LIPK: variants seen among roughly 807,000 people sequenced by gnomAD.
The protein encoded by LIPK is lipase member K.
LIPK carries 32 observed loss-of-function variants against 48.6 expected under a neutral mutation model. The ratio of observed to expected loss-of-function variants is 0.66; its 90% CI spans 0.50 to 0.88. LIPK has a LOEUF of 0.88. Ranked by LOEUF, LIPK falls within the 40% of genes least tolerant of loss-of-function variation. The pLI, the probability that LIPK is intolerant of heterozygous loss-of-function variation, is 0.00. For missense variants in LIPK, 507 were observed against 478.5 expected (o/e 1.06, Z -0.56); for synonymous variants, 164 against 157.4 (o/e 1.04, Z -0.32).
chr10:88,725,166 A>G (rs1842310949), intron 2 of LIPK, among the ~76,000 whole-genome samples: 1 of 152,230 alleles, frequency 6.6e-6, no homozygotes, highest in African/African-American at 2.4e-5. Context: ...CCATTCTCCT[A>G]TATAAACGGC....
intron 7 of LIPK, 49 bp from the exon 8 acceptor site, chr10:88,739,947 T>C (rs1367680727): frequency 9.1e-6 from 10 of 1,102,870 alleles, no homozygotes; most frequent in African/African-American, 1.6e-5. Context: ...TGTTTACTTG[T>C]GGTATGATGA....
chr10:88,726,907 G>C lies in LIPK; in HGVS notation c.218G>C (p.Arg73Thr). The C allele has an allele frequency of 6.5e-7, 1 of 1,538,394 alleles. No individual in the cohort carries two copies. ...CCACATGGAAGAGGATGCCCAGGGAGGACAGGTATTATTTATTTTGTTATG... is the reference window on the plus strand; with the variant it reads ...CCACATGGAAGAGGATGCCCAGGGACGACAGGTATTATTTATTTTGTTATG... ...RIPHGRGCPG[R>T]TAPKPAVYLQ... The change falls in exon 3 of 10, where the codon AGG becomes ACG. Residue 73 changes from arginine (R) to threonine (T), a missense_variant. Coordinates refer to ENST00000404190, the MANE Select transcript of LIPK (RefSeq NM_001080518.2).
chr10:88,744,918 C>T (rs997313176), intron 9 of LIPK, among the ~76,000 whole-genome samples: 4 of 152,054 alleles, frequency 2.6e-5, no homozygotes, highest in African/African-American at 9.7e-5. Context: ...ATGAAATAGC[C>T]ATTTTAAGAA....
At chr10:88,721,326 C>T (rs1842221947) in intron 1 of LIPK, among the ~76,000 whole-genome samples, 1 of 152,094 alleles carries the variant, frequency 6.6e-6, no homozygotes, top group East Asian at 1.9e-4. Flanking sequence ...AATCAAGCAC[C>T]CTTACCCAAC....
chr10:88,726,696 C>T, intron 2 of LIPK, 99 bp from the exon 3 acceptor site: 10 of 705,254 alleles, frequency 1.4e-5, no homozygotes, highest in Non-Finnish European at 2.4e-5. Context: ...CCGTCTCAAA[C>T]AAACAAACAA....
intron 1 of LIPK, among the ~76,000 whole-genome samples, chr10:88,716,356 C>CTTT (rs11374780): frequency 0.021 from 2,535 of 120,236 alleles, 158 homozygotes; most frequent in African/African-American, 0.044. Flanking sequence ...AGGAAAATTT[C>CTTT]TTTTTTTTTT....
At chr10:88,730,905 A>G in intron 3 of LIPK, 78 bp from the exon 4 acceptor site, 1 of 1,313,488 alleles carries the variant, frequency 7.6e-7, no homozygotes, top group Non-Finnish European at 1.0e-6. Context: ...TTTATACTAC[A>G]GAAATTCAGG....
intron 8 of LIPK, among the ~76,000 whole-genome samples, chr10:88,742,332 TCAA>T (rs1351425604): frequency 2.1e-5 from 3 of 143,494 alleles, no homozygotes; most frequent in African/African-American, 7.6e-5. Flanking sequence ...TTGCAGAATT[TCAA>T]CAGCAGCAGA....
At chr10:88,723,801 C>T (rs886983350) in intron 1 of LIPK, among the ~76,000 whole-genome samples, 1 of 151,406 alleles carries the variant, frequency 6.6e-6, no homozygotes, top group African/African-American at 2.4e-5. Flanking sequence ...TGGTTTGTGT[C>T]ATCATTGAAC....
At chr10:88,722,698 G>A (rs926726136) in intron 1 of LIPK, among the ~76,000 whole-genome samples, 7 of 152,072 alleles carry the variant, frequency 4.6e-5, no homozygotes, top group African/African-American at 7.2e-5. Context: ...CTGAATGGAC[G>A]GAGTGGTTAA....
chr10:88,726,588 G>A (rs1842346426), intron 2 of LIPK, among the ~76,000 whole-genome samples: 3 of 152,190 alleles, frequency 2.0e-5, no homozygotes, highest in South Asian at 4.1e-4. Flanking sequence ...CAGCTACTTG[G>A]AAGACTGAGG....
At chr10:88,751,403 A>G (rs1842860797) in intron 9 of LIPK, among the ~76,000 whole-genome samples, 1 of 152,052 alleles carries the variant, frequency 6.6e-6, no homozygotes, top group South Asian at 2.1e-4. Flanking sequence ...TTTTACCTTT[A>G]AAAATAAAGT....
At chr10:88,740,683 G>A (rs1842663536) in intron 8 of LIPK, among the ~76,000 whole-genome samples, 2 of 152,264 alleles carry the variant, frequency 1.3e-5, no homozygotes, top group African/African-American at 4.8e-5. Flanking sequence ...TGTTTATTAT[G>A]TAATATTTGC....
At chr10:88,737,537 G>A (rs1373416904) in intron 6 of LIPK, 98 bp from the exon 7 acceptor site, 3 of 1,235,226 alleles carry the variant, frequency 2.4e-6, no homozygotes, top group African/African-American at 3.0e-5. Flanking sequence ...CTGAGCAGAT[G>A]TCACCTAATA....
At chr10:88,747,274 T>C (rs983525285) in intron 9 of LIPK, among the ~76,000 whole-genome samples, 4 of 152,144 alleles carry the variant, frequency 2.6e-5, no homozygotes, top group African/African-American at 9.7e-5. Context: ...GAAGCCAGCA[T>C]CCATCATTCT....
intron 9 of LIPK, among the ~76,000 whole-genome samples, chr10:88,747,676 T>A (rs1001179234): frequency 1.3e-5 from 2 of 152,048 alleles, no homozygotes; most frequent in African/African-American, 4.8e-5. Flanking sequence ...TCACTGATCA[T>A]CAGAGAAATG....
intron 1 of LIPK, among the ~76,000 whole-genome samples, chr10:88,716,881 T>A (rs557547220): frequency 1.3e-5 from 2 of 151,780 alleles, no homozygotes; most frequent in Non-Finnish European, 1.5e-5. Context: ...TTTTTTTTTC[T>A]CACCTAGGGA....
chr10:88,714,391 G>T (rs1590130162), intron 1 of LIPK, among the ~76,000 whole-genome samples: 1 of 151,966 alleles, frequency 6.6e-6, no homozygotes, highest in South Asian at 2.1e-4. Flanking sequence ...TGTCAAGAAG[G>T]GTTGTATGCT....
At chr10:88,739,526 T>A (rs1842639069) in intron 7 of LIPK, among the ~76,000 whole-genome samples, 1 of 152,046 alleles carries the variant, frequency 6.6e-6, no homozygotes, top group Admixed American at 6.6e-5. Flanking sequence ...GGTTAATATG[T>A]CTTCAGATTA....
Sources: allele counts gnomAD v4.1 joint callset (sites outside exome capture counted in the v4.1 genomes callset), GRCh38; gene constraint gnomAD v4.1.1; transcripts MANE v1.5; gene names NCBI Gene and HGNC (gene_info 2026-07-23, HGNC 2026-07-21).